The following SLC4A4 variants were observed in gnomAD, a reference collection of about 807,000 sequenced individuals.
SLC4A4 encodes the protein solute carrier family 4 member 4, also known as electrogenic sodium bicarbonate cotransporter 1.
A neutral mutation model predicts 111.5 loss-of-function variants in SLC4A4; 27 were observed. That is an observed-to-expected ratio of 0.24 (90% confidence interval 0.18 to 0.33). The LOEUF (loss-of-function observed/expected upper bound fraction) is 0.33, where lower values mean the gene tolerates loss of function less well. Among genes scored for constraint, SLC4A4 ranks in the 10% least tolerant of loss-of-function variants. The probability of loss-of-function intolerance (pLI) is 1.00; values close to 1 mark genes in which losing one functional copy is unlikely to be tolerated. For missense variants in SLC4A4, 909 were observed against 1,315.5 expected, an observed-to-expected ratio of 0.69 and a Z score of 4.78; for synonymous variants, 443 against 463.4, an observed-to-expected ratio of 0.96 and a Z score of 0.57.
At chr4:71,549,153 G>A (rs1180746830) in intron 20 of SLC4A4, among the ~76,000 whole-genome samples, 1 of 151,864 alleles carries the variant, frequency 6.6e-6, no homozygotes, top group Non-Finnish European at 1.5e-5. Flanking sequence ...AGGGACAGAG[G>A]GAAACCTTTT....
At chr4:71,457,812 C>T (rs1014148415) in intron 12 of SLC4A4, among the ~76,000 whole-genome samples, 1 of 151,998 alleles carries the variant, frequency 6.6e-6, no homozygotes, top group African/African-American at 2.4e-5. Flanking sequence ...CCCTTTCCTC[C>T]CATGGATACC....
In SLC4A4 at chr4:71,514,361, T is replaced by A. The variant is rs1242240665; in HGVS notation, c.2166+16669T>A. ...CCTCCTGCTGCAGCCATGTAGGACATGTCTGCTTCCCGTTTGCCTTCCATT... is the reference window on the plus strand; with the variant it reads ...CCTCCTGCTGCAGCCATGTAGGACAAGTCTGCTTCCCGTTTGCCTTCCATT... On this transcript the variant is annotated intron_variant, in intron 16 of 25. Transcript: ENST00000264485. 2.6e-5 allele frequency among the ~76,000 whole-genome samples: 4 copies of A among 152,314 alleles called. No homozygotes were observed. The East Asian group carries it at 5.8e-4, about 22-fold the overall frequency.
intron 7 of SLC4A4, among the ~76,000 whole-genome samples, chr4:71,410,090 CA>C (rs1358909262): frequency 1.3e-5 from 2 of 152,168 alleles, no homozygotes; most frequent in African/African-American, 4.8e-5. Flanking sequence ...AAGTTTGCTG[CA>C]GGGGTGGGGC....
At chr4:71,120,913 C>T (rs7665485) in intron 2 of SLC4A4, among the ~76,000 whole-genome samples, 112,256 of 152,082 alleles carry the variant, frequency 0.74, 43,734 homozygotes, top group Admixed American at 0.86. Context: ...CCTCTGCTTG[C>T]GGGGAGGTGT....
intron 4 of SLC4A4, among the ~76,000 whole-genome samples, chr4:71,347,599 G>C (rs1448771969): frequency 1.3e-5 from 2 of 152,112 alleles, no homozygotes; most frequent in African/African-American, 4.8e-5. Flanking sequence ...TCCCTTGGGG[G>C]ATAGGATTTC....
At chr4:71,513,296 C>T (rs1732090410) in intron 16 of SLC4A4, among the ~76,000 whole-genome samples, 2 of 151,972 alleles carry the variant, frequency 1.3e-5, no homozygotes, top group Admixed American at 1.3e-4. Flanking sequence ...TTTGTGGCCT[C>T]TTCATTTCAT....
In SLC4A4 at chr4:71,228,715, T is replaced by A. The variant is rs1185129539; in HGVS notation, c.-1-7861T>A. On this transcript the variant is annotated intron_variant, in intron 1 of 25. Coordinates refer to ENST00000264485, the MANE Select transcript of SLC4A4 (RefSeq NM_001098484.3). ...AAAAAACAGAGTTACAAATGAGCTT[T>A]TTTAAATTGAAAATTTTATTGAGGT... Among the ~76,000 whole-genome samples, 3 of 152,218 alleles carry A rather than the reference T, an allele frequency of 2.0e-5. No individual in the cohort carries two copies. The East Asian group carries it at 5.8e-4, about 29-fold the overall frequency.
At chr4:71,340,833 G>A (rs1252305162) in intron 4 of SLC4A4, among the ~76,000 whole-genome samples, 1 of 152,010 alleles carries the variant, frequency 6.6e-6, no homozygotes, top group East Asian at 1.9e-4. Context: ...TATTTATAAT[G>A]TCACATATAT....
intron 1 of SLC4A4, among the ~76,000 whole-genome samples, chr4:71,220,674 C>G (rs901076777): frequency 6.6e-6 from 1 of 152,044 alleles, no homozygotes; most frequent in African/African-American, 2.4e-5. Context: ...TCTTTTTTCT[C>G]TCAGAGTTAA....
intron 1 of SLC4A4, among the ~76,000 whole-genome samples, chr4:71,224,825 T>A (rs888040314): frequency 6.6e-6 from 1 of 152,178 alleles, no homozygotes; most frequent in Non-Finnish European, 1.5e-5. Flanking sequence ...AAGAGTATAG[T>A]AGAGTGGTTA....
chr4:71,186,333 T>C (rs767884642), upstream of SLC4A4, among the ~76,000 whole-genome samples: 13 of 152,242 alleles, frequency 8.5e-5, no homozygotes, highest in Non-Finnish European at 1.8e-4. Flanking sequence ...TAATACTGTG[T>C]TATGGCAGCA....
intron 2 of SLC4A4, among the ~76,000 whole-genome samples, chr4:71,245,109 G>A (rs1373005063): frequency 6.6e-6 from 1 of 152,122 alleles, no homozygotes; most frequent in Non-Finnish European, 1.5e-5. Flanking sequence ...CATGTGTGAA[G>A]GTCCAGAGGT....
At chr4:71,170,258 G>A (rs189743682) in intron 2 of SLC4A4, among the ~76,000 whole-genome samples, 21 of 152,266 alleles carry the variant, frequency 1.4e-4, no homozygotes, top group Admixed American at 2.6e-4. Context: ...TAAGCTTCCT[G>A]AAGACAGTGG....
At chr4:71,213,166 C>T (rs116470840) in intron 1 of SLC4A4, among the ~76,000 whole-genome samples, 1 of 152,216 alleles carries the variant, frequency 6.6e-6, no homozygotes, top group Non-Finnish European at 1.5e-5. Flanking sequence ...GGAATGTTTC[C>T]TGTCATTTAC....
At chr4:71,239,475 G>A (rs1720042584) in intron 2 of SLC4A4, among the ~76,000 whole-genome samples, 2 of 152,154 alleles carry the variant, frequency 1.3e-5, no homozygotes, top group Admixed American at 1.3e-4. Context: ...TTCGAATGCT[G>A]TGGTTCTGAG....
At chr4:71,427,083 A>G (rs377703958) in intron 7 of SLC4A4, among the ~76,000 whole-genome samples, 3 of 152,142 alleles carry the variant, frequency 2.0e-5, no homozygotes, top group East Asian at 3.8e-4. Flanking sequence ...ATTTTTCACA[A>G]TGTGAACACA....
At chr4:71,209,447 C>T (rs935109171) in intron 1 of SLC4A4, among the ~76,000 whole-genome samples, 5 of 152,168 alleles carry the variant, frequency 3.3e-5, no homozygotes, top group African/African-American at 1.2e-4. Context: ...GGTGCTGAGG[C>T]TTGAAACCTT....
chr4:71,438,471 G>A (rs1038385995), intron 7 of SLC4A4, among the ~76,000 whole-genome samples: 3 of 152,174 alleles, frequency 2.0e-5, no homozygotes, highest in Non-Finnish European at 4.4e-5. Context: ...GCTTTAAAAA[G>A]AGTATTGTAA....
intron 16 of SLC4A4, among the ~76,000 whole-genome samples, chr4:71,523,449 C>T (rs958767959): frequency 6.6e-6 from 1 of 152,100 alleles, no homozygotes; most frequent in African/African-American, 2.4e-5. Context: ...TCAGTTCTTA[C>T]AGACATATGA....
Sources: allele counts gnomAD v4.1 joint callset (sites outside exome capture counted in the v4.1 genomes callset), GRCh38; gene constraint gnomAD v4.1.1; transcripts MANE v1.5; gene names NCBI Gene and HGNC (gene_info 2026-07-23, HGNC 2026-07-21).